The following HERC2 variants were observed in gnomAD, a reference collection of about 807,000 sequenced individuals.
HERC2 encodes HECT and RLD domain containing E3 ubiquitin protein ligase 2, also known as E3 ubiquitin-protein ligase HERC2.
HERC2 carries 102 observed loss-of-function variants against 537.7 expected under a neutral mutation model. The ratio of observed to expected loss-of-function variants is 0.19; its 90% CI spans 0.16 to 0.22. HERC2 has a LOEUF of 0.22. Ranked by LOEUF, HERC2 falls within the 10% of genes least tolerant of loss-of-function variation. The probability of loss-of-function intolerance (pLI) is 1.00; values close to 1 mark genes in which losing one functional copy is unlikely to be tolerated. For missense variants in HERC2, 4,236 were observed against 6,198.2 expected (o/e 0.68, Z 10.63); for synonymous variants, 2,224 against 2,466.2 (o/e 0.90, Z 2.91).
intron 80 of HERC2, among the ~76,000 whole-genome samples, 192 bp downstream of exon 80, chr15:28,132,461 A>C (rs1346369136): frequency 1.3e-5 from 2 of 152,228 alleles, no homozygotes; most frequent in Non-Finnish European, 2.9e-5. Context: ...CCGCAGGAGG[A>C]GGTATCAGCG....
At chr15:28,161,197 T>G (rs1367104584) in intron 69 of HERC2, among the ~76,000 whole-genome samples, 1 of 152,238 alleles carries the variant, frequency 6.6e-6, no homozygotes, top group African/African-American at 2.4e-5. Context: ...TTTCTGACCA[T>G]CAGAGCTTTA....
At chr15:28,315,668 C>T (rs1465605127) in intron 2 of HERC2, 2 of 712,478 alleles carry the variant, frequency 2.8e-6, no homozygotes, top group African/African-American at 1.7e-5. Context: ...GGCGTTAGCG[C>T]CATTTTCTTG....
intron 16 of HERC2, 97 bp downstream of exon 16, chr15:28,260,680 C>T: frequency 1.0e-6 from 1 of 1,004,958 alleles, no homozygotes; most frequent in East Asian, 2.5e-5. Context: ...GACACAAGAA[C>T]AACAAACAAA....
In HERC2 at chr15:28,260,963, C is replaced by T. The variant is rs1296101131; in HGVS notation, c.2130G>A (p.Lys710=). The T allele has an allele frequency of 6.2e-7, 1 of 1,613,186 alleles. No homozygotes were observed. Among genetic ancestry groups the T allele is most frequent in the Non-Finnish European group, 8.5e-7 (1 of 1,179,448 alleles). The change falls in exon 16 of 93, where the codon AAG becomes AAA. Residue 710 remains lysine (K), a synonymous_variant. Transcript: ENST00000261609. ...PKLLEGLQGK[K]VIDVAAGSTH... is the part of the protein sequence containing the mutation. ...TGGAGCCTGCAGCCACATCAATCAC[C>T]TTCTTCCCTACAAGGGAAGAGGGAT... is the stretch of plus-strand genomic sequence containing the variant.
rs549705575 is a variant in HERC2 at position 28,249,356 on chromosome 15, G to A, written c.3051-620C>T. On this transcript the variant is annotated intron_variant, in intron 20 of 92. Transcript: ENST00000261609. ...GCAGGTGCCCAAAGAGCACGGCAGC[G>A]AAGAAAGTAGAAGAGGCTCCAGTTC... Among the ~76,000 whole-genome samples, 61 of 152,324 alleles carry A rather than the reference G, an allele frequency of 4.0e-4. 1 individual carries two copies. The South Asian group carries it at 5.8e-3, about 14-fold the overall frequency.
intron 9 of HERC2, chr15:28,271,962 C>A: frequency 2.0e-6 from 1 of 509,490 alleles, no homozygotes; most frequent in Non-Finnish European, 3.4e-6. Flanking sequence ...TTTCGTTGTT[C>A]TTTTCTGGTA....
At chr15:28,299,914 G>T (rs766579561) in intron 2 of HERC2, among the ~76,000 whole-genome samples, 2 of 151,922 alleles carry the variant, frequency 1.3e-5, no homozygotes, top group Non-Finnish European at 2.9e-5. Context: ...TTAGCCAGGC[G>T]TGGTGGCGGG....
At chr15:28,314,850 G>A (rs1432927741) in intron 2 of HERC2, among the ~76,000 whole-genome samples, 1 of 134,626 alleles carries the variant, frequency 7.4e-6, no homozygotes, top group African/African-American at 2.6e-5. Flanking sequence ...AACAGAGCAA[G>A]ACTCCCTCTC....
chr15:28,198,839 A>G (rs1297155188), intron 48 of HERC2, 70 bp from the exon 49 acceptor site: 8 of 1,353,580 alleles, frequency 5.9e-6, no homozygotes, highest in Non-Finnish European at 8.3e-6. Flanking sequence ...GATAAGTAGT[A>G]TTACTCTACT....
Position 28,257,077 on chromosome 15 carries a change from T to C in HERC2, c.2501A>G (p.Asn834Ser), listed in dbSNP as rs2075285551. The C allele has an allele frequency of 6.2e-7, 1 of 1,613,488 alleles. No individual in the cohort carries two copies. The highest frequency in any genetic ancestry group is 8.5e-7 in the Non-Finnish European group (1 of 1,179,596). Residue 834 changes from asparagine to serine, a missense_variant, in exon 17 of 93, where the codon AAT becomes AGT. Around this residue, in one of 27 missense-constraint regions of HERC2, gnomAD observed 754 missense variants for 1,085.0 expected, o/e 0.69. Coordinates refer to ENST00000261609, the MANE Select transcript of HERC2 (RefSeq NM_004667.6). ...CATGAATACCTGAAGTCGTAGAAGATTCAGCGTTGCCACGGCCACACACTC... is the reference window on the plus strand; with the variant it reads ...CATGAATACCTGAAGTCGTAGAAGACTCAGCGTTGCCACGGCCACACACTC... ...EKECVAVATL[N>S]LLRLQLHAAI... is the part of the protein sequence containing the mutation.
intron 2 of HERC2, among the ~76,000 whole-genome samples, chr15:28,311,967 T>C (rs1478204021): frequency 6.6e-6 from 1 of 152,154 alleles, no homozygotes; most frequent in East Asian, 1.9e-4. Context: ...CCACCACCTT[T>C]CGATTATTAC....
intron 69 of HERC2, 65 bp downstream of exon 69, chr15:28,163,029 G>T: frequency 7.3e-7 from 1 of 1,361,870 alleles, no homozygotes; most frequent in Non-Finnish European, 1.0e-6. Flanking sequence ...GCTCTCCTTT[G>T]GAGAGGAGGG....
At chr15:28,269,152 A>G (rs1376084781) in intron 11 of HERC2, 96 bp downstream of exon 11, 4 of 887,880 alleles carry the variant, frequency 4.5e-6, no homozygotes, top group Non-Finnish European at 6.8e-6. Context: ...ATCTTCAGAA[A>G]TCAAACGCCT....
intron 84 of HERC2, 113 bp from the exon 85 acceptor site, chr15:28,124,347 G>A: frequency 6.2e-6 from 4 of 641,328 alleles, no homozygotes; most frequent in Non-Finnish European, 9.5e-6. Flanking sequence ...GAAGCACTAT[G>A]GTGTCTGAGT....
chr15:28,269,896 C>T (rs992968689), intron 10 of HERC2, among the ~76,000 whole-genome samples: 1 of 152,274 alleles, frequency 6.6e-6, no homozygotes, highest in African/African-American at 2.4e-5. Flanking sequence ...CACGGGCACA[C>T]ACACGTGCAC....
intron 2 of HERC2, among the ~76,000 whole-genome samples, chr15:28,311,718 T>C (rs1252699102): frequency 6.6e-6 from 1 of 151,940 alleles, no homozygotes; most frequent in Non-Finnish European, 1.5e-5. Flanking sequence ...CTGTAGGTGA[T>C]GTCCTGGAGA....
At chr15:28,159,783 G>A (rs531820153) in intron 69 of HERC2, among the ~76,000 whole-genome samples, 21 of 152,296 alleles carry the variant, frequency 1.4e-4, no homozygotes, top group East Asian at 5.8e-4. Flanking sequence ...GAGGAGCTGC[G>A]TTCCTTTGGA....
At chr15:28,166,065 CAGA>C (rs538092151) in intron 68 of HERC2, among the ~76,000 whole-genome samples, 25 of 152,170 alleles carry the variant, frequency 1.6e-4, no homozygotes, top group Non-Finnish European at 3.4e-4. Context: ...GGGAATATGC[CAGA>C]AGAACACATA....
chr15:28,178,250 C>T (rs1229288361), intron 59 of HERC2, among the ~76,000 whole-genome samples: 2 of 152,198 alleles, frequency 1.3e-5, no homozygotes, highest in Non-Finnish European at 2.9e-5. Flanking sequence ...GGAGGGCACA[C>T]TGTGTGGTGC....
Sources: allele counts gnomAD v4.1 joint callset (sites outside exome capture counted in the v4.1 genomes callset), GRCh38; gene constraint gnomAD v4.1.1; regional missense constraint gnomAD v4.1.1; transcripts MANE v1.5; gene names NCBI Gene and HGNC (gene_info 2026-07-23, HGNC 2026-07-21).